Variants in ANKFY1 observed in about 807,000 individuals in gnomAD.
ANKFY1 encodes the protein ankyrin repeat and FYVE domain-containing protein 1.
A neutral mutation model predicts 128.3 loss-of-function variants in ANKFY1; 47 were observed. That is an observed-to-expected ratio of 0.37 (90% confidence interval 0.29 to 0.47). The LOEUF (loss-of-function observed/expected upper bound fraction) is 0.47, where lower values mean the gene tolerates loss of function less well. Ranked by LOEUF, ANKFY1 falls within the 20% of genes least tolerant of loss-of-function variation. ANKFY1 has a pLI of 1.00. For synonymous variants in ANKFY1, 553 were observed against 601.6 expected (o/e 0.92, Z 1.18); for missense variants, 1,222 against 1,510.6 (o/e 0.81, Z 3.17).
intron 1 of ANKFY1, chr17:4,263,691 C>T (rs1405472872): frequency 3.3e-6 from 5 of 1,518,798 alleles, no homozygotes; most frequent in Non-Finnish European, 4.4e-6. Context: ...GACCTGCCAG[C>T]CCGGCTCCGC....
chr17:4,239,623 C>G (rs1967098093), intron 2 of ANKFY1, among the ~76,000 whole-genome samples: 1 of 152,136 alleles, frequency 6.6e-6, no homozygotes. Context: ...ACTGCAACCT[C>G]CACCTCCCAG....
At chr17:4,189,710 C>A (rs1389651043) in intron 10 of ANKFY1, among the ~76,000 whole-genome samples, 110 of 152,048 alleles carry the variant, frequency 7.2e-4, no homozygotes, top group African/African-American at 2.5e-3. Context: ...TAGGCCCACG[C>A]CAGACAGTAG....
intron 10 of ANKFY1, among the ~76,000 whole-genome samples, chr17:4,192,410 C>G (rs1462429658): frequency 1.3e-5 from 2 of 149,946 alleles, no homozygotes; most frequent in Non-Finnish European, 3.0e-5. Context: ...TCTGGAGACT[C>G]CTAGTTGATG....
Position 4,169,426 on chromosome 17 carries a change from G to T in ANKFY1, c.3287-138C>A, listed in dbSNP as rs373703684. 1 of 639,638 alleles carries T rather than the reference G, an allele frequency of 1.6e-6. No homozygotes were observed. The highest frequency in any genetic ancestry group is 2.8e-6 in the Non-Finnish European group (1 of 356,254). The allele number at this position is 639,638 out of a possible 1,614,324, so 39.6% of individuals were successfully genotyped here. A position where few individuals can be genotyped will look rare whatever the true frequency, so the allele number is the denominator to read the frequency against. On this transcript the variant is annotated intron_variant, in intron 23 of 24. Coordinates refer to ENST00000341657, the MANE Select transcript of ANKFY1 (RefSeq NM_001330063.2). The surrounding 1 kb of genome is among the most constrained non-coding windows in gnomAD (Gnocchi z 5.0). Reference sequence around the variant, plus strand: ...GACATAGGTGACGAAGGAGCGATAGGTTCTAAGTGGTTCAGGGCCAGCTTC... The same window carrying T: ...GACATAGGTGACGAAGGAGCGATAGTTTCTAAGTGGTTCAGGGCCAGCTTC...
chr17:4,263,502 A>G, intron 1 of ANKFY1: 1 of 1,011,676 alleles, frequency 9.9e-7, no homozygotes, highest in Non-Finnish European at 1.4e-6. Flanking sequence ...CAGCCCGAGG[A>G]GACCCACGCT....
chr17:4,198,894 A>G (rs964486480), intron 7 of ANKFY1, among the ~76,000 whole-genome samples: 2 of 152,148 alleles, frequency 1.3e-5, no homozygotes, highest in Non-Finnish European at 2.9e-5. Flanking sequence ...ACAGATATCA[A>G]ATTAAGACTG....
rs2059225010 is a variant in ANKFY1 at position 4,167,134 on chromosome 17, T to C, written c.*645A>G. 6.6e-6 allele frequency: 1 copy of C among 152,622 alleles called. No individual in the cohort carries two copies. Among genetic ancestry groups the C allele is most frequent in the African/African-American group, 2.4e-5 (1 of 41,448 alleles). The allele number at this position is 152,622 out of a possible 1,614,324, so 9.5% of individuals were successfully genotyped here. ...CTGCACTCCTGACACCTCAGTAGCA[T>C]GAACACTGTAAAGCTTTCAGTTGTT... is the stretch of plus-strand genomic sequence containing the variant. On this transcript the variant is annotated 3_prime_UTR_variant, in exon 25 of 25. Coordinates refer to ENST00000341657, the MANE Select transcript of ANKFY1 (RefSeq NM_001330063.2). The surrounding 1 kb of genome is among the most constrained non-coding windows in gnomAD (Gnocchi z 4.1).
rs1446521218 is a variant in ANKFY1, at chr17:4,164,557, G to C, written c.*3222C>G. 2 of 152,262 alleles carry C rather than the reference G, an allele frequency of 1.3e-5. No homozygotes were observed. Among genetic ancestry groups the C allele is most frequent in the Non-Finnish European group, 2.9e-5 (2 of 68,062 alleles). 9.4% of individuals were successfully genotyped at this position (152,262 alleles called of 1,614,324 possible). ...TGTCATGGAAACATTACCCTTCCTT[G>C]TTCCTGCTACTGTCACCTGGGAAGT... On this transcript the variant is annotated 3_prime_UTR_variant, in exon 25 of 25. Coordinates refer to ENST00000341657, the MANE Select transcript of ANKFY1 (RefSeq NM_001330063.2).
At chr17:4,258,548 C>T (rs1056149208) in intron 1 of ANKFY1, among the ~76,000 whole-genome samples, 10 of 149,040 alleles carry the variant, frequency 6.7e-5, no homozygotes, top group African/African-American at 2.5e-4. Flanking sequence ...AAAGTGGAAA[C>T]AGCAAAGTTC....
At position 4,197,592 on chromosome 17, in the gene ANKFY1, A is replaced by G. The variant is rs145431127; in HGVS notation, c.899-15T>C. 8.6e-5 allele frequency: 139 copies of G among 1,612,244 alleles called. No individual in the cohort carries two copies. In the East Asian group the frequency reaches 3.1e-3, roughly 36 times the overall value. On this transcript the variant is annotated splice_polypyrimidine_tract_variant and intron_variant, in intron 7 of 24. Coordinates refer to ENST00000341657, the MANE Select transcript of ANKFY1 (RefSeq NM_001330063.2). ...AAAGAGATCTCCTTGAAAAGAAATA[A>G]TAGAAGAAACAGTGTCAGGGCAAAG...
intron 1 of ANKFY1, among the ~76,000 whole-genome samples, chr17:4,247,273 TCA>T (rs1967594397): frequency 6.6e-6 from 1 of 152,142 alleles, no homozygotes; most frequent in Non-Finnish European, 1.5e-5. Flanking sequence ...TCCTTAAATA[TCA>T]GTTATACACA....
At chr17:4,250,962 A>G (rs2143485381) in intron 1 of ANKFY1, among the ~76,000 whole-genome samples, 1 of 152,326 alleles carries the variant, frequency 6.6e-6, no homozygotes, top group Non-Finnish European at 1.5e-5. Flanking sequence ...GGAAATGCAA[A>G]GTTCCTAGAA....
At chr17:4,189,325 A>G in intron 11 of ANKFY1, 57 bp downstream of exon 11, 1 of 1,431,610 alleles carries the variant, frequency 7.0e-7, no homozygotes. Flanking sequence ...CATATCCACC[A>G]CTGCCATTTC....
intron 2 of ANKFY1, among the ~76,000 whole-genome samples, chr17:4,238,557 TC>T (rs1967033522): frequency 1.3e-5 from 2 of 151,680 alleles, no homozygotes; most frequent in African/African-American, 4.8e-5. Context: ...CACCACAACC[TC>T]CACCTCCCAG....
At chr17:4,211,537 G>A (rs182009157) in intron 4 of ANKFY1, among the ~76,000 whole-genome samples, 67 of 152,036 alleles carry the variant, frequency 4.4e-4, no homozygotes, top group African/African-American at 1.5e-3. Context: ...TCATAAAGCC[G>A]CATAATAATA....
chr17:4,212,192 T>C (rs974593253), intron 4 of ANKFY1, among the ~76,000 whole-genome samples: 3 of 152,180 alleles, frequency 2.0e-5, no homozygotes, highest in African/African-American at 4.8e-5. Context: ...AGACGACTAG[T>C]ATGGTTTCAC....
At position 4,215,220 on chromosome 17, in the gene ANKFY1, G is replaced by A. The variant is rs567255781; in HGVS notation, c.458+1763C>T. On this transcript the variant is annotated intron_variant, in intron 4 of 24. Transcript: ENST00000341657. Reference sequence around the variant, plus strand: ...AGGAGAATCGCTTGAATCGGGAGGCGGAGGTTGCAGTGAGCCAAGACTGTG... The same window carrying A: ...AGGAGAATCGCTTGAATCGGGAGGCAGAGGTTGCAGTGAGCCAAGACTGTG... 6.6e-5 allele frequency among the ~76,000 whole-genome samples: 10 copies of A among 151,568 alleles called. No homozygotes were observed. In the South Asian group the frequency reaches 8.4e-4, roughly 13 times the overall value.
chr17:4,170,921 A>G, intron 22 of ANKFY1, 60 bp from the exon 23 acceptor site: 1 of 1,611,336 alleles, frequency 6.2e-7, no homozygotes, highest in Non-Finnish European at 8.5e-7. Context: ...GCAGCCACAG[A>G]CGGAGGGCGG....
At chr17:4,249,171 G>T in intron 1 of ANKFY1, 1 of 976,796 alleles carries the variant, frequency 1.0e-6, no homozygotes, top group Non-Finnish European at 1.2e-6. Context: ...TCAGGAGTTG[G>T]CATACTTTCC....
Sources: gnomAD v4.1 joint callset for allele counts (sites outside exome capture counted in the v4.1 genomes callset) on GRCh38, gnomAD v4.1.1 for gene constraint, Gnocchi (gnomAD v3.1) non-coding constraint, MANE v1.5 for transcripts, NCBI Gene and HGNC (gene_info 2026-07-23, HGNC 2026-07-21) for gene names.